Variants in STRADA observed in about 807,000 individuals in gnomAD.
The protein encoded by STRADA is STE20-related kinase adapter protein alpha.
A neutral mutation model predicts 55.0 loss-of-function variants in STRADA; 26 were observed. The observed-to-expected ratio is 0.47, with a 90% confidence interval of 0.35 to 0.66. STRADA has a LOEUF of 0.66. Ranked by LOEUF, STRADA falls within the 30% of genes least tolerant of loss-of-function variation. STRADA has a pLI of 0.01. For missense variants in STRADA, 443 were observed against 549.7 expected (o/e 0.81, Z 1.94); for synonymous variants, 197 against 210.9 (o/e 0.93, Z 0.57).
intron 1 of STRADA, among the ~76,000 whole-genome samples, chr17:63,738,203 T>C (rs1369646442): frequency 6.6e-6 from 1 of 151,250 alleles, no homozygotes. Context: ...TAGCCGGGCA[T>C]GGTGGCGGGC....
At position 63,703,999 on chromosome 17, in the gene STRADA, C is replaced by T. The variant is rs755001321; in HGVS notation, c.1143+6G>A. ...AACCAGAACCAGAACGAAGGGGCTA[C>T]GATACCTGCTTGAAGAAAGAGTGGT... On this transcript the variant is annotated splice_donor_region_variant and intron_variant, in intron 12 of 12. Coordinates refer to ENST00000336174, the MANE Select transcript of STRADA (RefSeq NM_001003787.4). The T allele has an allele frequency of 4.4e-6, 7 of 1,602,246 alleles. No individual in the cohort carries two copies. Among genetic ancestry groups the T allele is most frequent in the East Asian group, 2.3e-5 (1 of 44,418 alleles).
intron 4 of STRADA, among the ~76,000 whole-genome samples, chr17:63,720,761 C>T (rs566431227): frequency 7.9e-5 from 10 of 126,166 alleles, no homozygotes; most frequent in South Asian, 7.3e-4. Flanking sequence ...GGCGACAGAG[C>T]GAGACTGTTT....
intron 1 of STRADA, among the ~76,000 whole-genome samples, chr17:63,739,677 A>G (rs957548605): frequency 6.7e-6 from 1 of 149,116 alleles, no homozygotes; most frequent in Non-Finnish European, 1.5e-5. Flanking sequence ...TGTATATATT[A>G]TATATGTACA....
chr17:63,706,873 T>C, intron 9 of STRADA, 134 bp from the exon 10 acceptor site: 1 of 678,578 alleles, frequency 1.5e-6, no homozygotes. Flanking sequence ...TTGCCTGTGC[T>C]ACTGAAGACT....
At chr17:63,732,529 T>C (rs994555193) in intron 1 of STRADA, among the ~76,000 whole-genome samples, 26 of 150,528 alleles carry the variant, frequency 1.7e-4, no homozygotes, top group African/African-American at 6.1e-4. Flanking sequence ...GGCGTGGTGG[T>C]TCATGTCTGT....
At chr17:63,728,824 G>A (rs534705008) in intron 1 of STRADA, among the ~76,000 whole-genome samples, 2 of 150,410 alleles carry the variant, frequency 1.3e-5, no homozygotes, top group Admixed American at 1.3e-4. Context: ...CCCAGGAGAT[G>A]GAGATTGCAG....
intron 1 of STRADA, among the ~76,000 whole-genome samples, chr17:63,738,986 C>T (rs1236646710): frequency 6.6e-6 from 1 of 151,534 alleles, no homozygotes; most frequent in African/African-American, 2.4e-5. Context: ...CTCATCTCTA[C>T]TAAAATTACA....
chr17:63,740,143 TATATACACACACAC>T (rs1307810830), intron 1 of STRADA, among the ~76,000 whole-genome samples: 1 of 46,606 alleles, frequency 2.1e-5, no homozygotes, highest in East Asian at 5.8e-4. Context: ...TACATATATA[TATATACACACACAC>T]ACACACACAC....
intron 4 of STRADA, among the ~76,000 whole-genome samples, chr17:63,722,563 A>G (rs574401357): frequency 9.8e-5 from 15 of 152,354 alleles, no homozygotes; most frequent in Admixed American, 2.6e-4. Flanking sequence ...TTACTCAGAA[A>G]TTCCCAGTCA....
intron 1 of STRADA, among the ~76,000 whole-genome samples, chr17:63,739,945 G>A (rs1314446742): frequency 6.8e-6 from 1 of 147,426 alleles, no homozygotes; most frequent in Non-Finnish European, 1.5e-5. Context: ...GGCTCCGGCA[G>A]TGCACCAGGC....
chr17:63,734,247 C>T (rs1242915294), intron 1 of STRADA, among the ~76,000 whole-genome samples: 1 of 152,178 alleles, frequency 6.6e-6, no homozygotes, highest in Non-Finnish European at 1.5e-5. Context: ...ATCAAAAGCT[C>T]TAAGAAACTT....
Position 63,703,487 on chromosome 17 carries a change from T to C in STRADA, c.*112A>G. On this transcript the variant is annotated 3_prime_UTR_variant, in exon 13 of 13. Coordinates refer to ENST00000336174, the MANE Select transcript of STRADA (RefSeq NM_001003787.4). Reference sequence around the variant, plus strand: ...TCAGCAGTCAACTTTCCTGGAAGAATGTCCTTTCTACCCAATCTGCCCAGG... The same window carrying C: ...TCAGCAGTCAACTTTCCTGGAAGAACGTCCTTTCTACCCAATCTGCCCAGG... 9.7e-7 allele frequency: 1 copy of C among 1,035,520 alleles called. No individual in the cohort carries two copies. The highest frequency in any genetic ancestry group is 1.4e-6 in the Non-Finnish European group (1 of 720,298). The allele number at this position is 1,035,520 out of a possible 1,614,324, so 64.1% of individuals were successfully genotyped here.
intron 4 of STRADA, among the ~76,000 whole-genome samples, chr17:63,719,592 T>G (rs150072374): frequency 6.6e-6 from 1 of 151,968 alleles, no homozygotes; most frequent in Non-Finnish European, 1.5e-5. Flanking sequence ...CAAGTGATTC[T>G]CCTGCCCCAG....
intron 4 of STRADA, among the ~76,000 whole-genome samples, chr17:63,716,580 C>T (rs1407990711): frequency 6.6e-6 from 1 of 152,062 alleles, no homozygotes; most frequent in Admixed American, 6.6e-5. Context: ...GTCTCTTGAC[C>T]ATTTTCCTGT....
In STRADA at chr17:63,704,017, A is replaced by G. The variant is rs778634130; in HGVS notation, c.1131T>C (p.Ser377=). Residue 377 remains serine (S), a synonymous_variant, in exon 12 of 13, where the codon TCT becomes TCC. Transcript: ENST00000336174. ...GGGGCTACGATACCTGCTTGAAGAA[A>G]GAGTGGTTCAGGAGGGTGCTGGCAC... ...RPSASTLLNH[S]FFKQIKRRAS... 1 of 1,614,164 alleles carries G rather than the reference A, an allele frequency of 6.2e-7. No homozygotes were observed. The highest frequency in any genetic ancestry group is 2.2e-5 in the East Asian group (1 of 44,876).
intron 8 of STRADA, among the ~76,000 whole-genome samples, chr17:63,708,242 C>G (rs1427528691): frequency 1.3e-5 from 2 of 151,992 alleles, no homozygotes; most frequent in African/African-American, 4.8e-5. Context: ...CTCTGTCGCC[C>G]AGGCTGGAGT....
intron 4 of STRADA, among the ~76,000 whole-genome samples, chr17:63,715,991 A>G (rs1598195818): frequency 6.6e-6 from 1 of 152,124 alleles, no homozygotes; most frequent in Non-Finnish European, 1.5e-5. Flanking sequence ...GAGTGGCTGG[A>G]ATTGCTAGTG....
At chr17:63,706,294 GT>G (rs2036084222) in intron 10 of STRADA, 1 of 180,078 alleles carries the variant, frequency 5.6e-6, no homozygotes, top group Admixed American at 6.2e-5. Flanking sequence ...GACCTTCCAG[GT>G]ATATTTATCC....
At chr17:63,740,135 C>CCT (rs2038808216) in intron 1 of STRADA, among the ~76,000 whole-genome samples, 1 of 54,216 alleles carries the variant, frequency 1.8e-5, no homozygotes, top group Non-Finnish European at 3.3e-5. Flanking sequence ...TATACACATA[C>CCT]ATATATATAT....
Sources: gnomAD v4.1 joint callset for allele counts (sites outside exome capture counted in the v4.1 genomes callset) on GRCh38, gnomAD v4.1.1 for gene constraint, MANE v1.5 for transcripts, NCBI Gene and HGNC (gene_info 2026-07-23, HGNC 2026-07-21) for gene names.